The following IMMP2L variants were observed in gnomAD, a reference collection of about 807,000 sequenced individuals.
The protein encoded by IMMP2L is mitochondrial inner membrane protease subunit 2.
A neutral mutation model predicts 19.3 loss-of-function variants in IMMP2L; 18 were observed. The ratio of observed to expected loss-of-function variants is 0.93; its 90% CI spans 0.64 to 1.38. The LOEUF (loss-of-function observed/expected upper bound fraction) is 1.38. IMMP2L is among the 40% of genes most tolerant of loss of function. IMMP2L has a pLI of 0.00. For synonymous variants in IMMP2L, 76 were observed against 73.0 expected, an observed-to-expected ratio of 1.04 and a Z score of -0.21; for missense variants, 233 against 218.2, an observed-to-expected ratio of 1.07 and a Z score of -0.43.
chr7:110,966,371 A>G (rs1819544689), intron 3 of IMMP2L, among the ~76,000 whole-genome samples: 1 of 152,042 alleles, frequency 6.6e-6, no homozygotes. Context: ...GTTATATGAC[A>G]TTACCCAAGA....
intron 5 of IMMP2L, among the ~76,000 whole-genome samples, chr7:110,703,623 G>A (rs1403848943): frequency 6.6e-6 from 1 of 152,106 alleles, no homozygotes; most frequent in Admixed American, 6.6e-5. Context: ...GTAGAAGTAT[G>A]AGCTATGAAA....
In IMMP2L at chr7:111,423,887, A is replaced by C. The variant is rs146465385; in HGVS notation, c.239+63351T>G. Among the ~76,000 whole-genome samples the C allele has an allele frequency of 3.8e-3, 578 of 151,960 alleles. 5 individuals carry two copies. Among genetic ancestry groups the C allele is most frequent in the Non-Finnish European group, 6.9e-3 (469 of 67,998 alleles). ...AACTGGTTTTTTGAAAACATCAACA[A>C]AATTGACAGTGAAACTTTTTTAAGT... On this transcript the variant is annotated intron_variant, in intron 3 of 5. Coordinates refer to ENST00000405709, the MANE Select transcript of IMMP2L (RefSeq NM_032549.4).
intron 5 of IMMP2L, among the ~76,000 whole-genome samples, chr7:110,847,148 A>T (rs570590111): frequency 6.6e-6 from 1 of 152,334 alleles, no homozygotes; most frequent in East Asian, 1.9e-4. Context: ...ATGTTTGTTA[A>T]ATTATGCTGA....
intron 3 of IMMP2L, among the ~76,000 whole-genome samples, chr7:111,476,000 AT>A (rs1841687225): frequency 6.6e-6 from 1 of 152,146 alleles, no homozygotes; most frequent in Middle Eastern, 3.2e-3. Flanking sequence ...TAGTTTTCTG[AT>A]ATCCTGAGGG....
In IMMP2L at chr7:111,123,518, T is replaced by C. The variant is rs1479706060; in HGVS notation, c.240-159953A>G. Reference sequence around the variant, plus strand: ...ATCTCTTTTTACGATAACAGGCTTATTAAAGTACCCCATGTTGCTCTTCAA... The same window carrying C: ...ATCTCTTTTTACGATAACAGGCTTACTAAAGTACCCCATGTTGCTCTTCAA... On this transcript the variant is annotated intron_variant, in intron 3 of 5. Coordinates refer to ENST00000405709, the MANE Select transcript of IMMP2L (RefSeq NM_032549.4). This position sits in a 1 kb window ranked among gnomAD's most constrained non-coding sequence, Gnocchi z 6.4. 1.2e-6 allele frequency: 2 copies of C among 1,613,834 alleles called. No homozygotes were observed. The highest frequency in any genetic ancestry group is 1.3e-5 in the African/African-American group (1 of 74,924).
intron 1 of IMMP2L, among the ~76,000 whole-genome samples, chr7:111,539,134 AG>A (rs1407173637): frequency 8.3e-4 from 24 of 29,034 alleles, no homozygotes; most frequent in East Asian, 1.6e-3. Context: ...AGAAAAGAAA[AG>A]GAAGGAAGGA....
chr7:110,972,139 C>T (rs1182042518), intron 3 of IMMP2L, among the ~76,000 whole-genome samples: 1 of 151,250 alleles, frequency 6.6e-6, no homozygotes, highest in African/African-American at 2.4e-5. Flanking sequence ...CAATTGTAGA[C>T]TGGAATAGTA....
chr7:111,077,699 C>A (rs1795534380), intron 3 of IMMP2L, among the ~76,000 whole-genome samples: 1 of 152,170 alleles, frequency 6.6e-6, no homozygotes, highest in Admixed American at 6.5e-5. Context: ...AATATCTCCA[C>A]CCTACTTAAA....
Position 111,521,320 on chromosome 7 carries a change from G to A in IMMP2L, c.128C>T (p.Ser43Leu), listed in dbSNP as rs143687316. Residue 43 changes from serine to leucine, a missense_variant, in exon 2 of 6, where the codon TCG (serine) becomes TTG (leucine). Transcript: ENST00000405709. ...AAGTTATATCATTTTCACCTGCATCGATGCTCCTTCTACTCTTGCCACACA... is the reference window on the plus strand; with the variant it reads ...AAGTTATATCATTTTCACCTGCATCAATGCTCCTTCTACTCTTGCCACACA... ...VACVARVEGASMQPSLNPGGS... is the reference protein window; with the variant it reads ...VACVARVEGALMQPSLNPGGS... 2.4e-5 allele frequency: 38 copies of A among 1,611,322 alleles called. No individual in the cohort carries two copies. Among genetic ancestry groups the A allele is most frequent in the East Asian group, 4.5e-5 (2 of 44,846 alleles).
intron 5 of IMMP2L, among the ~76,000 whole-genome samples, chr7:110,814,887 C>A (rs1276334239): frequency 1.3e-5 from 2 of 151,826 alleles, no homozygotes; most frequent in Admixed American, 1.3e-4. Context: ...TCTATTTCCT[C>A]CTCAATATGC....
chr7:110,944,785 T>G (rs1229131586), intron 4 of IMMP2L, among the ~76,000 whole-genome samples: 2 of 151,924 alleles, frequency 1.3e-5, no homozygotes, highest in African/African-American at 4.8e-5. Flanking sequence ...GGTGTTTGTG[T>G]GTGTGTATAT....
intron 3 of IMMP2L, among the ~76,000 whole-genome samples, chr7:111,452,012 G>T (rs1239319455): frequency 1.3e-5 from 2 of 152,076 alleles, no homozygotes; most frequent in East Asian, 1.9e-4. Context: ...GCTGGGGAAG[G>T]TATCTCCCTT....
At chr7:111,078,374 C>G (rs894261107) in intron 3 of IMMP2L, among the ~76,000 whole-genome samples, 6 of 152,120 alleles carry the variant, frequency 3.9e-5, no homozygotes, top group Non-Finnish European at 7.3e-5. Flanking sequence ...ATCTTTTGGT[C>G]TAGAATGTCA....
intron 3 of IMMP2L, among the ~76,000 whole-genome samples, chr7:111,430,530 T>C (rs1836522039): frequency 6.6e-6 from 1 of 151,780 alleles, no homozygotes; most frequent in African/African-American, 2.4e-5. Flanking sequence ...TAATTATAAA[T>C]AAAATTATTG....
chr7:111,007,359 G>A (rs527556396), intron 3 of IMMP2L, among the ~76,000 whole-genome samples: 2 of 152,086 alleles, frequency 1.3e-5, no homozygotes, highest in South Asian at 4.2e-4. Flanking sequence ...ATTCCACTTT[G>A]GTTTTTGCTC....
intron 3 of IMMP2L, among the ~76,000 whole-genome samples, chr7:111,210,403 T>G (rs1485929783): frequency 5.3e-5 from 8 of 152,170 alleles, no homozygotes; most frequent in Admixed American, 2.6e-4. Flanking sequence ...CTAACAAAAT[T>G]CCTCAAAACT....
chr7:110,739,987 T>C (rs1241650174), intron 5 of IMMP2L, among the ~76,000 whole-genome samples: 2 of 152,112 alleles, frequency 1.3e-5, no homozygotes, highest in African/African-American at 4.8e-5. Context: ...GAAATCAAGA[T>C]GGAAATTTAA....
rs184262949 is a variant in IMMP2L at position 111,241,774 on chromosome 7, C to A, written c.239+245464G>T. ...CACTTTTCCACCAAGGAAGAAATTACCAGATTTTCTCTGTCTCTGGATGAT... is the reference window on the plus strand; with the variant it reads ...CACTTTTCCACCAAGGAAGAAATTAACAGATTTTCTCTGTCTCTGGATGAT... On this transcript the variant is annotated intron_variant, in intron 3 of 5. Coordinates refer to ENST00000405709, the MANE Select transcript of IMMP2L (RefSeq NM_032549.4). Among the ~76,000 whole-genome samples, 80 of 151,502 alleles carry A rather than the reference C, an allele frequency of 5.3e-4. No homozygotes were observed. The East Asian group carries it at 0.015, about 29-fold the overall frequency.
At chr7:111,542,667 C>T (rs1015542747) in intron 1 of IMMP2L, among the ~76,000 whole-genome samples, 3 of 152,126 alleles carry the variant, frequency 2.0e-5, no homozygotes, top group African/African-American at 7.2e-5. Context: ...TCAGATACTA[C>T]TTATTTGGAA....
Sources: allele counts gnomAD v4.1 joint callset (sites outside exome capture counted in the v4.1 genomes callset), GRCh38; gene constraint gnomAD v4.1.1; non-coding constraint Gnocchi (gnomAD v3.1); transcripts MANE v1.5; gene names NCBI Gene and HGNC (gene_info 2026-07-23, HGNC 2026-07-21).